The following FAM72A variants were observed in gnomAD, a reference collection of about 807,000 sequenced individuals.
FAM72A encodes the protein regulator of UNG2 and MKLN1 interacting yippee protein 1, also known as protein FAM72A.
In FAM72A, 1 loss-of-function variant was observed where a neutral mutation model predicts 11.3. That is an observed-to-expected ratio of 0.09 (90% CI 0.03 to 0.42). FAM72A has a LOEUF of 0.42. Among genes scored for constraint, FAM72A ranks in the 10% least tolerant of loss-of-function variants. The probability of loss-of-function intolerance (pLI) is 0.98; values close to 1 mark genes in which losing one functional copy is unlikely to be tolerated. For missense variants in FAM72A, 15 were observed against 135.5 expected (o/e 0.11, Z 4.41); for synonymous variants, 5 against 46.9 (o/e 0.11, Z 3.65).
At chr1:206,198,907 TAA>T (rs544163968) in intron 2 of FAM72A, among the ~76,000 whole-genome samples, 5 of 63,710 alleles carry the variant, frequency 7.8e-5, no homozygotes, top group Non-Finnish European at 9.4e-5. Context: ...CTGTCTCTAC[TAA>T]AAAAAAAAAA....
At chr1:206,193,170 C>T (rs1664882725) in intron 3 of FAM72A, among the ~76,000 whole-genome samples, 2 of 151,876 alleles carry the variant, frequency 1.3e-5, no homozygotes, top group South Asian at 4.1e-4. Context: ...GCCTCGGCCT[C>T]CCAAACTGCT....
At chr1:206,198,998 C>T (rs1295132964) in intron 2 of FAM72A, among the ~76,000 whole-genome samples, 1 of 150,672 alleles carries the variant, frequency 6.6e-6, no homozygotes, top group Non-Finnish European at 1.5e-5. Flanking sequence ...AGGAGAATCA[C>T]TTGAACCTGG....
At position 206,202,819 on chromosome 1, in the gene FAM72A, C is replaced by A. The variant is rs1553299517; in HGVS notation, c.-794G>T. 2.0e-5 allele frequency: 2 copies of A among 98,718 alleles called. No homozygotes were observed. The highest frequency in any genetic ancestry group is 2.9e-4 in the East Asian group (1 of 3,392). The allele number at this position is 98,718 out of a possible 1,614,324, so 6.1% of individuals were successfully genotyped here. ...AGTCGCTTTAGAGGCTCAGTCGGCG[C>A]TGGGGTCTGTCACCGAACACGTTGG... On this transcript the variant is annotated 5_prime_UTR_variant, in exon 1 of 4. Transcript: ENST00000367128.
chr1:206,187,447 A>C, intron 3 of FAM72A, 74 bp from the exon 4 acceptor site: 2 of 1,505,098 alleles, frequency 1.3e-6, no homozygotes, highest in Non-Finnish European at 1.8e-6. Flanking sequence ...ACGAAACTTT[A>C]TATGTTAATA....
chr1:206,187,620 C>T (rs1197231705), intron 3 of FAM72A, among the ~76,000 whole-genome samples: 8 of 152,220 alleles, frequency 5.3e-5, no homozygotes, highest in East Asian at 1.9e-4. Context: ...GGTAGGATCA[C>T]GGTTCACAAT....
chr1:206,196,513 G>A (rs1665064056), intron 2 of FAM72A, among the ~76,000 whole-genome samples: 1 of 99,376 alleles, frequency 1.0e-5, no homozygotes, highest in South Asian at 4.0e-4. Flanking sequence ...ACTCAGTTCT[G>A]TGGGTAAAGG....
upstream of FAM72A, chr1:206,203,111 C>G: frequency 5.7e-6 from 1 of 173,950 alleles, no homozygotes; most frequent in South Asian, 2.0e-4. Context: ...GCAAACCCTG[C>G]CTTCGCCCTA....
chr1:206,201,438 C>A (rs1571539938), intron 1 of FAM72A: 4 of 136,490 alleles, frequency 2.9e-5, no homozygotes. Context: ...ATGCCAATTG[C>A]AAATAATGAT....
chr1:206,198,455 T>G (rs1364312105), intron 2 of FAM72A, among the ~76,000 whole-genome samples: 1 of 146,880 alleles, frequency 6.8e-6, no homozygotes, highest in East Asian at 2.0e-4. Context: ...TAACAATGAC[T>G]ACCACATACT....
In FAM72A at chr1:206,187,049, A is replaced by G; in HGVS notation, c.*230T>C. 3.5e-6 allele frequency: 2 copies of G among 565,296 alleles called. No homozygotes were observed. The highest frequency in any genetic ancestry group is 5.9e-6 in the Non-Finnish European group (2 of 338,406). 35.0% of individuals were successfully genotyped at this position (565,296 alleles called of 1,614,324 possible). On this transcript the variant is annotated 3_prime_UTR_variant, in exon 4 of 4. Coordinates refer to ENST00000367128, the MANE Select transcript of FAM72A (RefSeq NM_001123168.3). ...TGTCTGAATTTAAGAATACACCTAC[A>G]CTGGGCAGAAAAAGGTCGGGGAGAG...
At chr1:206,197,884 A>G in intron 2 of FAM72A, among the ~76,000 whole-genome samples, 1 of 151,892 alleles carries the variant, frequency 6.6e-6, no homozygotes, top group South Asian at 2.1e-4. Flanking sequence ...ATTGCACTCC[A>G]GCCTGGGCAA....
At chr1:206,193,259 T>TCATG (rs1479349420) in intron 3 of FAM72A, among the ~76,000 whole-genome samples, 1 of 148,530 alleles carries the variant, frequency 6.7e-6, no homozygotes, top group Non-Finnish European at 1.5e-5. Flanking sequence ...CTTGGTGCAA[T>TCATG]GGTGCGATCT....
chr1:206,205,015 C>T (rs1665777528), upstream of FAM72A: 1 of 151,692 alleles, frequency 6.6e-6, no homozygotes, highest in Admixed American at 6.6e-5. Flanking sequence ...GGTGGCTTAT[C>T]CCTCCCCGGC....
rs549710353 is a variant in FAM72A at position 206,188,029 on chromosome 1, AT to A, written c.356-657del. Among the ~76,000 whole-genome samples, 141 of 52,038 alleles carry A rather than the reference AT, an allele frequency of 2.7e-3. 1 individual carries two copies. Among genetic ancestry groups the A allele is most frequent in the African/African-American group, 9.8e-3 (125 of 12,760 alleles). 34.1% of individuals were successfully genotyped at this position (52,038 alleles called of 152,430 possible). A position where few individuals can be genotyped will look rare whatever the true frequency, so the allele number is the denominator to read the frequency against. On this transcript the variant is annotated intron_variant, in intron 3 of 3. Coordinates refer to ENST00000367128, the MANE Select transcript of FAM72A (RefSeq NM_001123168.3). Reference sequence around the variant, plus strand: ...CTATACACTGATAATTTTCTGATCTATTTTAATGATGTTTAAGAATGGAGAT... The same window carrying A: ...CTATACACTGATAATTTTCTGATCTATTTAATGATGTTTAAGAATGGAGAT...
At chr1:206,191,724 A>ATTTT (rs1190560887) in intron 3 of FAM72A, among the ~76,000 whole-genome samples, 34 of 103,688 alleles carry the variant, frequency 3.3e-4, no homozygotes, top group Non-Finnish European at 4.0e-4. Flanking sequence ...CTAAAATATT[A>ATTTT]TTTTTTTTTT....
intron 3 of FAM72A, among the ~76,000 whole-genome samples, chr1:206,192,896 AT>A (rs1269401054): frequency 4.0e-5 from 6 of 150,118 alleles, no homozygotes; most frequent in African/African-American, 1.5e-4. Context: ...TAAACAACAG[AT>A]TTTTCTTTTC....
chr1:206,187,715 C>G (rs1664602517), intron 3 of FAM72A, among the ~76,000 whole-genome samples: 1 of 151,974 alleles, frequency 6.6e-6, no homozygotes, highest in Non-Finnish European at 1.5e-5. Flanking sequence ...CAGGCGTGTA[C>G]TACCACACAT....
intron 3 of FAM72A, among the ~76,000 whole-genome samples, chr1:206,193,209 G>A (rs1294686120): frequency 1.3e-5 from 2 of 150,842 alleles, no homozygotes; most frequent in South Asian, 2.1e-4. Context: ...CACCGCGCCC[G>A]GCCTCTTATT....
chr1:206,187,529 TA>T (rs1664592945), intron 3 of FAM72A, among the ~76,000 whole-genome samples, 156 bp from the exon 4 acceptor site: 1 of 151,828 alleles, frequency 6.6e-6, no homozygotes, highest in African/African-American at 2.4e-5. Flanking sequence ...TAAAATTACC[TA>T]ATATTATCCA....
Sources: gnomAD v4.1 joint callset for allele counts (sites outside exome capture counted in the v4.1 genomes callset) on GRCh38, gnomAD v4.1.1 for gene constraint, MANE v1.5 for transcripts, NCBI Gene and HGNC (gene_info 2026-07-23, HGNC 2026-07-21) for gene names.